The following FEZ2 variants were observed in gnomAD, a reference collection of about 807,000 sequenced individuals.
The protein encoded by FEZ2 is fasciculation and elongation protein zeta 2.
FEZ2 carries 51 observed loss-of-function variants against 40.4 expected under a neutral mutation model. That is an observed-to-expected ratio of 1.26 (90% CI 1.01 to 1.59). The LOEUF is 1.59. Ranked by LOEUF, FEZ2 falls within the 40% of genes most tolerant of loss-of-function variation. FEZ2 has a pLI of 0.00. For missense variants in FEZ2, 640 were observed against 438.3 expected (o/e 1.46, Z -4.11); for synonymous variants, 242 against 172.0 (o/e 1.41, Z -3.18).
At chr2:36,559,884 T>C (rs1204397934) in intron 5 of FEZ2, among the ~76,000 whole-genome samples, 1 of 152,244 alleles carries the variant, frequency 6.6e-6, no homozygotes, top group Non-Finnish European at 1.5e-5. Context: ...AGCTCATTGA[T>C]GAGCTGCAAA....
At position 36,553,069 on chromosome 2, in the gene FEZ2, A is replaced by G. The variant is rs545230656; in HGVS notation, c.*94T>C. ...ATCAAACCCAAGTTCAAATGTGCTG[A>G]GTTTCCAATAGCAAGAAGGGTAATG... On this transcript the variant is annotated 3_prime_UTR_variant, in exon 8 of 8. Coordinates refer to ENST00000405912, the MANE Select transcript of FEZ2 (RefSeq NM_005102.3). The G allele has an allele frequency of 2.9e-4, 291 of 1,004,046 alleles. 5 individuals are homozygous for G. The South Asian group carries it at 3.6e-3, about 12-fold the overall frequency. 62.2% of individuals were successfully genotyped at this position (1,004,046 alleles called of 1,614,324 possible).
intron 5 of FEZ2, among the ~76,000 whole-genome samples, chr2:36,567,453 T>G (rs1243337331): frequency 6.6e-6 from 1 of 152,094 alleles, no homozygotes; most frequent in Non-Finnish European, 1.5e-5. Flanking sequence ...CATAAAACAA[T>G]GGAGTGACTA....
In FEZ2 at chr2:36,578,653, GTTTC is replaced by G. The variant is rs780892852; in HGVS notation, c.843_846del (p.Lys281AsnfsTer2). ...CCATTCTGAGAGCTGCCATTTTTTA[GTTTC>G]TTTTTCTTTTTTGCTGTTTCTTTGT... On this transcript the variant is annotated frameshift_variant, in exon 5 of 8. Transcript: ENST00000405912. LOFTEE classifies it high-confidence loss of function. The G allele has an allele frequency of 2.2e-5, 35 of 1,613,524 alleles. No individual in the cohort carries two copies. The highest frequency in any genetic ancestry group is 2.8e-5 in the Non-Finnish European group (33 of 1,179,804).
At chr2:36,567,007 G>A (rs1429737712) in intron 5 of FEZ2, among the ~76,000 whole-genome samples, 1 of 152,238 alleles carries the variant, frequency 6.6e-6, no homozygotes, top group East Asian at 1.9e-4. Flanking sequence ...CAGAATGGCA[G>A]AACTGCACAG....
At chr2:36,563,706 C>T (rs1377717706) in intron 5 of FEZ2, among the ~76,000 whole-genome samples, 4 of 152,102 alleles carry the variant, frequency 2.6e-5, no homozygotes, top group African/African-American at 9.7e-5. Flanking sequence ...AACCCTCAAC[C>T]TCTTTCCTTT....
At chr2:36,558,388 C>G in intron 6 of FEZ2, 50 bp downstream of exon 6, 1 of 1,193,096 alleles carries the variant, frequency 8.4e-7, no homozygotes, top group Non-Finnish European at 1.2e-6. Flanking sequence ...CAGGTGTTTA[C>G]CAATCAGCAA....
chr2:36,591,009 A>G lies in FEZ2; in HGVS notation c.269T>C (p.Ile90Thr), dbSNP rs1203260722. ...TERSLLQGDE[I>T]WNALTDNYGN... ...ATAATTATCTGTCAGGGCATTCCAA[A>G]TCCTTAAAAAGAAGAAAGCTACAAT... Residue 90 changes from isoleucine (I) to threonine (T), a missense_variant and splice_region_variant, in exon 2 of 8, where the codon ATT (isoleucine) becomes ACT (threonine). Transcript: ENST00000405912. 6.3e-7 allele frequency: 1 copy of G among 1,581,690 alleles called. No individual in the cohort carries two copies. Among genetic ancestry groups the G allele is most frequent in the Non-Finnish European group, 8.7e-7 (1 of 1,150,726 alleles).
intron 2 of FEZ2, 178 bp downstream of exon 2, chr2:36,590,725 A>C: frequency 1.9e-6 from 1 of 537,638 alleles, no homozygotes; most frequent in Non-Finnish European, 3.3e-6. Flanking sequence ...GAACTGGAGG[A>C]ATGTGCCAGC....
chr2:36,579,983 G>A (rs191182056), intron 4 of FEZ2, among the ~76,000 whole-genome samples: 5 of 152,180 alleles, frequency 3.3e-5, no homozygotes, highest in African/African-American at 1.2e-4. Context: ...GGGTGATCAG[G>A]ACACAGTAGG....
At chr2:36,590,039 G>A (rs1389929450) in intron 2 of FEZ2, 1 of 152,096 alleles carries the variant, frequency 6.6e-6, no homozygotes, top group South Asian at 2.1e-4. Flanking sequence ...TCCATTTCAA[G>A]TAATTCTCAA....
rs111709779 is a variant in FEZ2 at position 36,579,234 on chromosome 2, C to T, written c.635-369G>A. ...CGAGGGAAAGTACAGAATCCACCTG[C>T]TGACAAAAAACTGCAAGCCGTTCAG... On this transcript the variant is annotated intron_variant, in intron 4 of 7. Transcript: ENST00000405912. 2.3e-3 allele frequency: 437 copies of T among 192,816 alleles called. 1 individual carries two copies. Among genetic ancestry groups the T allele is most frequent in the Non-Finnish European group, 2.5e-3 (238 of 95,568 alleles). 11.9% of individuals were successfully genotyped at this position (192,816 alleles called of 1,614,324 possible).
intron 1 of FEZ2, among the ~76,000 whole-genome samples, chr2:36,594,117 A>G (rs556910350): frequency 3.3e-5 from 5 of 152,040 alleles, no homozygotes; most frequent in African/African-American, 1.2e-4. Context: ...CCTCATCTCC[A>G]TCTGAGACCA....
chr2:36,578,891 G>C, intron 4 of FEZ2, 26 bp from the exon 5 acceptor site: 1 of 1,586,442 alleles, frequency 6.3e-7, no homozygotes, highest in Non-Finnish European at 8.6e-7. Context: ...AAATACAGCA[G>C]ATATTAAGAC....
intron 7 of FEZ2, among the ~76,000 whole-genome samples, chr2:36,554,549 G>A (rs1482392419): frequency 6.6e-6 from 1 of 151,810 alleles, no homozygotes; most frequent in Non-Finnish European, 1.5e-5. Context: ...AAAGATGTCA[G>A]GTATTAAAAA....
chr2:36,572,760 G>C (rs1281952749), intron 5 of FEZ2, among the ~76,000 whole-genome samples: 1 of 152,188 alleles, frequency 6.6e-6, no homozygotes, highest in Non-Finnish European at 1.5e-5. Flanking sequence ...TAAAAAGAAG[G>C]GGGGAAAAAG....
chr2:36,582,995 T>C (rs768396479), intron 3 of FEZ2, among the ~76,000 whole-genome samples: 1 of 152,214 alleles, frequency 6.6e-6, no homozygotes. Context: ...GTTTTGAAGA[T>C]ACTAAATAAT....
rs1394715298 is a variant in FEZ2, at chr2:36,572,010, G to A, written c.903+6587C>T. Among the ~76,000 whole-genome samples the A allele has an allele frequency of 1.4e-3, 164 of 118,292 alleles. 1 individual carries two copies. Among genetic ancestry groups the A allele is most frequent in the Admixed American group, 0.013 (131 of 10,118 alleles). The allele number at this position is 118,292 out of a possible 152,430, so 77.6% of individuals were successfully genotyped here. A position where few individuals can be genotyped will look rare whatever the true frequency, so the allele number is the denominator to read the frequency against. On this transcript the variant is annotated intron_variant, in intron 5 of 7. Transcript: ENST00000405912. ...AGCATGAGCGGCTGAGTGAGACTCC[G>A]TCTCAGGAAAAAAAAAAAAAAAAAA...
chr2:36,562,874 T>G (rs192363582), intron 5 of FEZ2, among the ~76,000 whole-genome samples: 11 of 152,348 alleles, frequency 7.2e-5, no homozygotes, highest in African/African-American at 2.6e-4. Flanking sequence ...TACTTGTTTT[T>G]AAGTACTTAG....
intron 5 of FEZ2, chr2:36,558,830 A>G (rs561018477): frequency 1.6e-5 from 3 of 184,018 alleles, no homozygotes; most frequent in East Asian, 1.3e-4. Flanking sequence ...AAAGTGAAGT[A>G]TTATCTCACA....
Sources: allele counts gnomAD v4.1 joint callset (sites outside exome capture counted in the v4.1 genomes callset), GRCh38; gene constraint gnomAD v4.1.1; transcripts MANE v1.5; gene names NCBI Gene and HGNC (gene_info 2026-07-23, HGNC 2026-07-21).